The following PARD3 variants were observed in gnomAD, a reference collection of about 807,000 sequenced individuals.
The protein encoded by PARD3 is partitioning defective 3 homolog.
A neutral mutation model predicts 155.4 loss-of-function variants in PARD3; 75 were observed. The ratio of observed to expected loss-of-function variants is 0.48; its 90% CI spans 0.40 to 0.58. PARD3 has a LOEUF of 0.58. Ranked by LOEUF, PARD3 falls within the 20% of genes least tolerant of loss-of-function variation. PARD3 has a pLI of 0.00. For missense variants in PARD3, 1,642 were observed against 1,721.7 expected, an observed-to-expected ratio of 0.95 and a Z score of 0.82; for synonymous variants, 576 against 610.5, an observed-to-expected ratio of 0.94 and a Z score of 0.83.
At position 34,223,832 on chromosome 10, in the gene PARD3, T is replaced by C. The variant is rs180834780; in HGVS notation, c.3419+45825A>G. On this transcript the variant is annotated intron_variant, in intron 22 of 24. Coordinates refer to ENST00000374788, the MANE Select transcript of PARD3 (RefSeq NM_001184785.2). ...GAGACAGGTGTGAACACTGCTTGTA[T>C]TGAATGGGAAACTGGGGCTCAGAGA... Among the ~76,000 whole-genome samples, 563 of 152,272 alleles carry C rather than the reference T, an allele frequency of 3.7e-3. 6 individuals carry two copies. The highest frequency in any genetic ancestry group is 0.027 in the South Asian group (128 of 4,826).
At chr10:34,409,887 A>C (rs968384383) in intron 5 of PARD3, among the ~76,000 whole-genome samples, 3 of 152,206 alleles carry the variant, frequency 2.0e-5, no homozygotes, top group Non-Finnish European at 4.4e-5. Flanking sequence ...AACATGTTAT[A>C]TTTGATATGG....
At chr10:34,703,654 A>G (rs748460879) in intron 1 of PARD3, among the ~76,000 whole-genome samples, 35 of 152,202 alleles carry the variant, frequency 2.3e-4, no homozygotes, top group Non-Finnish European at 4.9e-4. Context: ...AGAGACCCCA[A>G]CACAATGTAT....
chr10:34,494,471 G>A (rs1250504150), intron 3 of PARD3, among the ~76,000 whole-genome samples: 2 of 152,202 alleles, frequency 1.3e-5, no homozygotes, highest in East Asian at 3.8e-4. Context: ...GAAGAGAGAT[G>A]TGAATTACTA....
intron 5 of PARD3, among the ~76,000 whole-genome samples, chr10:34,443,517 G>A (rs912273955): frequency 4.6e-5 from 7 of 152,174 alleles, no homozygotes; most frequent in South Asian, 2.1e-4. Flanking sequence ...AGGCAGGGAG[G>A]AGAAAGTCAC....
intron 22 of PARD3, among the ~76,000 whole-genome samples, chr10:34,171,638 C>T (rs1213287640): frequency 1.3e-5 from 2 of 152,030 alleles, no homozygotes; most frequent in African/African-American, 4.8e-5. Context: ...ACAATCTGCA[C>T]AGTCCTGTAT....
At chr10:34,183,310 C>G (rs572656621) in intron 22 of PARD3, among the ~76,000 whole-genome samples, 1 of 152,206 alleles carries the variant, frequency 6.6e-6, no homozygotes, top group East Asian at 1.9e-4. Flanking sequence ...TCACCACAGC[C>G]TCCACCTCCC....
At chr10:34,694,324 C>T (rs75426277) in intron 2 of PARD3, among the ~76,000 whole-genome samples, 1,882 of 152,036 alleles carry the variant, frequency 0.012, 36 homozygotes, top group African/African-American at 0.043. Context: ...AATTGAGCCA[C>T]ACAATAAATG....
chr10:34,518,414 G>A (rs1394904676), intron 2 of PARD3, among the ~76,000 whole-genome samples: 1 of 152,074 alleles, frequency 6.6e-6, no homozygotes, highest in Admixed American at 6.5e-5. Flanking sequence ...TTGATTTCAG[G>A]GCTGTGGTCA....
At chr10:34,802,484 C>T (rs558227904) in intron 1 of PARD3, among the ~76,000 whole-genome samples, 3 of 152,280 alleles carry the variant, frequency 2.0e-5, no homozygotes, top group African/African-American at 7.2e-5. Context: ...ATAACTTAAT[C>T]TCCATGACAC....
intron 2 of PARD3, among the ~76,000 whole-genome samples, chr10:34,618,764 T>C (rs2091433474): frequency 6.6e-6 from 1 of 152,194 alleles, no homozygotes; most frequent in African/African-American, 2.4e-5. Context: ...CCGTTCCACA[T>C]TCCTGTCTGG....
chr10:34,400,678 C>T (rs959068848), intron 6 of PARD3, among the ~76,000 whole-genome samples: 4 of 152,076 alleles, frequency 2.6e-5, no homozygotes, highest in African/African-American at 9.7e-5. Flanking sequence ...CTGAAGTTAT[C>T]CTATGTACTA....
rs533207894 is a variant in PARD3, at chr10:34,469,405, A to C, written c.582+680T>G. On this transcript the variant is annotated intron_variant, in intron 4 of 24. Transcript: ENST00000374788. ...ATTATAGGTGGGAGCCACCACGCCC[A>C]GCCAACAAATTTTTTAAAACAGACA... 5.9e-5 allele frequency among the ~76,000 whole-genome samples: 9 copies of C among 152,334 alleles called. No homozygotes were observed. The South Asian group carries it at 1.9e-3, about 32-fold the overall frequency.
chr10:34,444,523 T>A (rs1025993057), intron 5 of PARD3, among the ~76,000 whole-genome samples: 4 of 152,164 alleles, frequency 2.6e-5, no homozygotes, highest in African/African-American at 9.7e-5. Flanking sequence ...GTTTCTTGAG[T>A]GTCAGAGTCA....
At chr10:34,519,584 C>T (rs926320826) in intron 2 of PARD3, among the ~76,000 whole-genome samples, 9 of 152,182 alleles carry the variant, frequency 5.9e-5, no homozygotes, top group East Asian at 3.9e-4. Context: ...GAGGCCTAGG[C>T]GGGCGGATCA....
chr10:34,540,982 T>C (rs1247672565), intron 2 of PARD3, among the ~76,000 whole-genome samples: 1 of 152,164 alleles, frequency 6.6e-6, no homozygotes, highest in Non-Finnish European at 1.5e-5. Context: ...ATAGCAACTT[T>C]TTCAAGATCC....
At chr10:34,378,215 A>G (rs1841451378) in intron 9 of PARD3, 109 bp from the exon 10 acceptor site, 3 of 769,068 alleles carry the variant, frequency 3.9e-6, no homozygotes, top group Non-Finnish European at 6.3e-6. Context: ...AACTTTCACA[A>G]TGGTCCACAT....
At chr10:34,806,857 C>T (rs1013974176) in intron 1 of PARD3, among the ~76,000 whole-genome samples, 1 of 152,166 alleles carries the variant, frequency 6.6e-6, no homozygotes, top group African/African-American at 2.4e-5. Flanking sequence ...AGTCCCTGCA[C>T]AGCTCAGGGA....
rs530854781 is a variant in PARD3 at position 34,571,646 on chromosome 10, A to G, written c.223-54487T>C. Among the ~76,000 whole-genome samples, 8 of 152,340 alleles carry G rather than the reference A, an allele frequency of 5.3e-5. No individual in the cohort carries two copies. The East Asian group carries it at 1.5e-3, about 29-fold the overall frequency. On this transcript the variant is annotated intron_variant, in intron 2 of 24. Coordinates refer to ENST00000374788, the MANE Select transcript of PARD3 (RefSeq NM_001184785.2). The stretch of plus-strand genomic sequence containing the variant: ...TGGGAAATAAAGCAAACGACACACC[A>G]AAGAATTATAAACCAAAGAACAGAT...
chr10:34,435,583 T>C (rs1003657859), intron 5 of PARD3, among the ~76,000 whole-genome samples: 1 of 152,332 alleles, frequency 6.6e-6, no homozygotes, highest in East Asian at 1.9e-4. Context: ...ACAGAAATCT[T>C]GTATCTTAAG....
Sources: gnomAD v4.1 joint callset for allele counts (sites outside exome capture counted in the v4.1 genomes callset) on GRCh38, gnomAD v4.1.1 for gene constraint, MANE v1.5 for transcripts, NCBI Gene and HGNC (gene_info 2026-07-23, HGNC 2026-07-21) for gene names.